The following PCDHGA3 variants were observed in gnomAD, a reference collection of about 807,000 sequenced individuals.
PCDHGA3 encodes the protein protocadherin gamma-A3.
In PCDHGA3, 40 loss-of-function variants were observed where a neutral mutation model predicts 58.5. The observed-to-expected ratio is 0.68, with a 90% CI of 0.53 to 0.89. The LOEUF (loss-of-function observed/expected upper bound fraction) is 0.89. PCDHGA3 is among the 40% of genes least tolerant of loss of function. The probability of loss-of-function intolerance (pLI) is 0.00; values close to 1 mark genes in which losing one functional copy is unlikely to be tolerated. For synonymous variants in PCDHGA3, 530 were observed against 525.7 expected, an observed-to-expected ratio of 1.01 and a Z score of -0.11; for missense variants, 1,223 against 1,195.9, an observed-to-expected ratio of 1.02 and a Z score of -0.33.
At chr5:141,459,829 G>A in intron 1 of PCDHGA3, among the ~76,000 whole-genome samples, 1 of 152,178 alleles carries the variant, frequency 6.6e-6, no homozygotes, top group East Asian at 1.9e-4. Flanking sequence ...AACTTTTCAT[G>A]TGTTGTCTAT....
chr5:141,370,699 G>T, intron 1 of PCDHGA3: 3 of 1,613,804 alleles, frequency 1.9e-6, no homozygotes, highest in Non-Finnish European at 2.5e-6. Context: ...AAGTCGACGT[G>T]TGTTCTGGAA....
intron 1 of PCDHGA3, chr5:141,384,276 C>A: frequency 6.2e-7 from 1 of 1,613,888 alleles, no homozygotes; most frequent in Non-Finnish European, 8.5e-7. Context: ...CCTACTCAGT[C>A]TACATCGCTG....
At chr5:141,435,863 C>T (rs772361494) in intron 1 of PCDHGA3, among the ~76,000 whole-genome samples, 16 of 151,882 alleles carry the variant, frequency 1.1e-4, no homozygotes, top group Non-Finnish European at 2.2e-4. Context: ...TAGTTAAAAC[C>T]CAGAAAAGAG....
At chr5:141,353,567 T>C (rs903187033) in intron 1 of PCDHGA3, among the ~76,000 whole-genome samples, 1 of 152,246 alleles carries the variant, frequency 6.6e-6, no homozygotes, top group East Asian at 1.9e-4. Flanking sequence ...TCCCACTCTA[T>C]AATTTCAGTC....
chr5:141,384,702 C>T lies in PCDHGA3; in HGVS notation c.2424+38245C>T, dbSNP rs115492697. ...CGGTGGACAAAGATTCAGGCCAGAACGCCTGGCTGTCATACCTCCTGCTTA... is the reference window on the plus strand; with the variant it reads ...CGGTGGACAAAGATTCAGGCCAGAATGCCTGGCTGTCATACCTCCTGCTTA... On this transcript the variant is annotated intron_variant, in intron 1 of 3. Coordinates refer to ENST00000253812, the MANE Select transcript of PCDHGA3 (RefSeq NM_018916.4). The T allele has an allele frequency of 1.9e-3, 3,011 of 1,614,186 alleles. 49 individuals carry two copies. The African/African-American group carries it at 0.033, about 18-fold the overall frequency.
chr5:141,430,951 C>A, intron 1 of PCDHGA3: 3 of 1,610,496 alleles, frequency 1.9e-6, no homozygotes, highest in Non-Finnish European at 2.5e-6. Flanking sequence ...AGCGCGGAGT[C>A]CGCATCATCC....
At chr5:141,419,411 C>T (rs757881409) in intron 1 of PCDHGA3, 7 of 1,613,344 alleles carry the variant, frequency 4.3e-6, no homozygotes, top group Non-Finnish European at 5.9e-6. Flanking sequence ...GTTCGCGCAG[C>T]GCGCCTTCGA....
intron 3 of PCDHGA3, chr5:141,508,275 T>G (rs1030431371): frequency 6.6e-6 from 1 of 152,138 alleles, no homozygotes. Context: ...ATCCCGGTCC[T>G]TGACCAAGGT....
chr5:141,400,181 A>C, intron 1 of PCDHGA3: 3 of 1,614,034 alleles, frequency 1.9e-6, no homozygotes, highest in Non-Finnish European at 2.5e-6. Context: ...GCTGAGCTGC[A>C]GTTTTACCTA....
chr5:141,376,844 G>T (rs897403160), intron 1 of PCDHGA3: 2 of 241,996 alleles, frequency 8.3e-6, no homozygotes, highest in Non-Finnish European at 1.6e-5. Flanking sequence ...CCGCCACCGC[G>T]CCCGGCTAAT....
chr5:141,455,104 G>A (rs2098813087), intron 1 of PCDHGA3, among the ~76,000 whole-genome samples: 1 of 151,888 alleles, frequency 6.6e-6, no homozygotes, highest in East Asian at 1.9e-4. Flanking sequence ...GAGCCACTGC[G>A]CCCGGTGGGT....
At chr5:141,497,499 C>G (rs1217418941) in intron 2 of PCDHGA3, among the ~76,000 whole-genome samples, 3 of 151,416 alleles carry the variant, frequency 2.0e-5, no homozygotes, top group Non-Finnish European at 4.4e-5. Context: ...TCTCTCTCCT[C>G]TCTCTGCTTC....
chr5:141,383,721 T>C lies in PCDHGA3; in HGVS notation c.2424+37264T>C, dbSNP rs990608432. The C allele has an allele frequency of 6.2e-6, 10 of 1,613,892 alleles. No individual in the cohort carries two copies. The South Asian group carries it at 6.6e-5, about 11-fold the overall frequency. On this transcript the variant is annotated intron_variant, in intron 1 of 3. Coordinates refer to ENST00000253812, the MANE Select transcript of PCDHGA3 (RefSeq NM_018916.4). ...CTATCGACCTGGACGAGGGAGTCAA[T>C]GGGGAAGTGACATATTCTTTTCGGA...
chr5:141,485,964 T>A lies in PCDHGA3; in HGVS notation c.2425-8843T>A. 1 of 1,614,162 alleles carries A rather than the reference T, an allele frequency of 6.2e-7. No homozygotes were observed. The highest frequency in any genetic ancestry group is 8.5e-7 in the Non-Finnish European group (1 of 1,180,000). On this transcript the variant is annotated intron_variant, in intron 1 of 3. Transcript: ENST00000253812. The surrounding 1 kb of genome is among the most constrained non-coding windows in gnomAD (Gnocchi z 5.7). ...CCAGCGGGCATGGTGCTCATCCAGC[T>A]CAATGCCTCAGACCCGGACCTGGGT...
At chr5:141,426,844 A>C (rs1397752566) in intron 1 of PCDHGA3, 1 of 456,628 alleles carries the variant, frequency 2.2e-6, no homozygotes, top group Non-Finnish European at 4.4e-6. Context: ...ACTAAAGGCA[A>C]GAACGCTCCA....
intron 1 of PCDHGA3, chr5:141,389,398 T>C (rs1384148422): frequency 1.2e-6 from 2 of 1,613,536 alleles, no homozygotes; most frequent in East Asian, 4.5e-5. Flanking sequence ...TACGTGTCCA[T>C]AAGCGCGGAG....
In PCDHGA3 at chr5:141,430,673, C is replaced by T. The variant is rs183365013; in HGVS notation, c.2425-64134C>T. 1.5e-4 allele frequency: 198 copies of T among 1,288,318 alleles called. 2 individuals are homozygous for T. In the African/African-American group the frequency reaches 2.8e-3, roughly 18 times the overall value. The allele number at this position is 1,288,318 out of a possible 1,614,324, so 79.8% of individuals were successfully genotyped here. On this transcript the variant is annotated intron_variant, in intron 1 of 3. Coordinates refer to ENST00000253812, the MANE Select transcript of PCDHGA3 (RefSeq NM_018916.4). Reference sequence around the variant, plus strand: ...AAACAACGGAGGAGCTCTGACTTCCCAACTGTCCCATTCTATGGGCGAAGG... The same window carrying T: ...AAACAACGGAGGAGCTCTGACTTCCTAACTGTCCCATTCTATGGGCGAAGG...
At chr5:141,386,950 A>C (rs538175836) in intron 1 of PCDHGA3, among the ~76,000 whole-genome samples, 7 of 152,364 alleles carry the variant, frequency 4.6e-5, no homozygotes, top group Non-Finnish European at 8.8e-5. Context: ...GCAGTGCTTC[A>C]GTGCAGCAGA....
intron 1 of PCDHGA3, among the ~76,000 whole-genome samples, chr5:141,474,312 T>G (rs1358237994): frequency 6.6e-6 from 1 of 152,228 alleles, no homozygotes; most frequent in African/African-American, 2.4e-5. Flanking sequence ...AACTTTAATG[T>G]GTTTTCAAAT....
Sources: allele counts gnomAD v4.1 joint callset (sites outside exome capture counted in the v4.1 genomes callset), GRCh38; gene constraint gnomAD v4.1.1; non-coding constraint Gnocchi (gnomAD v3.1); transcripts MANE v1.5; gene names NCBI Gene and HGNC (gene_info 2026-07-23, HGNC 2026-07-21).